TAOK2: variants seen among roughly 807,000 people sequenced by gnomAD.
The protein encoded by TAOK2 is TAO kinase 2.
Under a neutral mutation model 122.5 loss-of-function variants are expected in TAOK2, and 42 were observed. That is an observed-to-expected ratio of 0.34 (90% CI 0.27 to 0.44). The LOEUF (loss-of-function observed/expected upper bound fraction) is 0.44. TAOK2 is among the 20% of genes least tolerant of loss of function. The probability of loss-of-function intolerance (pLI) is 1.00; values close to 1 mark genes in which losing one functional copy is unlikely to be tolerated. For missense variants in TAOK2, 1,264 were observed against 1,644.9 expected, an observed-to-expected ratio of 0.77 and a Z score of 4.01; for synonymous variants, 704 against 677.6, an observed-to-expected ratio of 1.04 and a Z score of -0.61.
At chr16:29,983,776 A>C in intron 13 of TAOK2, 112 bp downstream of exon 13, 1 of 1,467,338 alleles carries the variant, frequency 6.8e-7, no homozygotes. Context: ...TTCTACCCTC[A>C]TTTTCTGTTG....
intron 13 of TAOK2, among the ~76,000 whole-genome samples, chr16:29,984,069 C>T (rs1219566760): frequency 1.3e-5 from 2 of 152,148 alleles, no homozygotes; most frequent in Non-Finnish European, 2.9e-5. Flanking sequence ...CCGGGGGTGC[C>T]CTGTGCTTGG....
In TAOK2 at chr16:29,988,102, C is replaced by G; in HGVS notation, c.*122C>G. On this transcript the variant is annotated 3_prime_UTR_variant, in exon 16 of 16. Transcript: ENST00000308893. ...CCACCTTCCTCAGTTTGCTCACTTACCCCAGGCCCAGCCCTTCGGACCTCT... is the reference window on the plus strand; with the variant it reads ...CCACCTTCCTCAGTTTGCTCACTTAGCCCAGGCCCAGCCCTTCGGACCTCT... The G allele has an allele frequency of 7.0e-7, 1 of 1,435,580 alleles. No individual in the cohort carries two copies. Among genetic ancestry groups the G allele is most frequent in the Non-Finnish European group, 9.1e-7 (1 of 1,099,818 alleles). 88.9% of individuals were successfully genotyped at this position (1,435,580 alleles called of 1,614,324 possible).
chr16:29,988,824 C>G, downstream of TAOK2: 1 of 985,324 alleles, frequency 1.0e-6, no homozygotes, highest in Non-Finnish European at 1.2e-6. Context: ...GGCAACCAGG[C>G]GGAGTATGAA....
At position 29,985,922 on chromosome 16, in the gene TAOK2, T is replaced by A; in HGVS notation, c.1992+61T>A. 6.5e-7 allele frequency: 1 copy of A among 1,549,616 alleles called. No individual in the cohort carries two copies. On this transcript the variant is annotated intron_variant, in intron 15 of 15. Coordinates refer to ENST00000308893, the MANE Select transcript of TAOK2 (RefSeq NM_016151.4). The surrounding 1 kb of genome is among the most constrained non-coding windows in gnomAD (Gnocchi z 6.9). ...TCGTGGATCCCAGGGACCCACCCTT[T>A]TCCATTTTCCTCATTCTTGTCTTCT...
At chr16:29,978,933 C>T in intron 5 of TAOK2, 41 bp from the exon 6 acceptor site, 1 of 1,613,576 alleles carries the variant, frequency 6.2e-7, no homozygotes, top group Non-Finnish European at 8.5e-7. Context: ...CCAGTCCCAC[C>T]CTTGCGCTCC....
chr16:29,976,623 A>C (rs2069463611), intron 1 of TAOK2, among the ~76,000 whole-genome samples: 1 of 152,216 alleles, frequency 6.6e-6, no homozygotes, highest in Non-Finnish European at 1.5e-5. Flanking sequence ...GGTATCCTGC[A>C]GGAACTTTCT....
rs376299348 is a variant in TAOK2 at position 29,985,366 on chromosome 16, C to A, written c.1576C>A (p.Arg526=). ...EREEHSARLQ[R]ELEAQRAGFG... Reference sequence around the variant, plus strand: ...GGAGGAGCACAGTGCACGGCTGCAGCGGGAGCTTGAGGCGCAGCGGGCTGG... The same window carrying A: ...GGAGGAGCACAGTGCACGGCTGCAGAGGGAGCTTGAGGCGCAGCGGGCTGG... The change falls in exon 14 of 16, where the codon CGG becomes AGG. Residue 526 remains arginine, a synonymous_variant. Transcript: ENST00000308893. This position sits in a 1 kb window ranked among gnomAD's most constrained non-coding sequence, Gnocchi z 6.9. The A allele has an allele frequency of 6.2e-7, 1 of 1,610,760 alleles. No homozygotes were observed. The highest frequency in any genetic ancestry group is 8.5e-7 in the Non-Finnish European group (1 of 1,178,224).
chr16:29,983,557 C>T lies in TAOK2; in HGVS notation c.1315C>T (p.Leu439Phe). 1 of 1,614,070 alleles carries T rather than the reference C, an allele frequency of 6.2e-7. No homozygotes were observed. Among genetic ancestry groups the T allele is most frequent in the East Asian group, 2.2e-5 (1 of 44,870 alleles). The change falls in exon 13 of 16, where the codon CTC becomes TTC. Residue 439 changes from leucine (L) to phenylalanine (F), a missense_variant. This residue lies in a region of TAOK2 where 122 missense variants were observed against 116.7 expected (regional missense o/e 1.04). Transcript: ENST00000308893. Reference protein sequence around the residue: ...PYQPEITPSPLQPPAAPAPTS... With the variant: ...PYQPEITPSPFQPPAAPAPTS... ...CCAGCCAGAGATAACCCCCAGCCCTCTCCAGCCGCCTGCAGCCCCAGCTCC... is the reference window on the plus strand; with the variant it reads ...CCAGCCAGAGATAACCCCCAGCCCTTTCCAGCCGCCTGCAGCCCCAGCTCC...
intron 12 of TAOK2, 34 bp downstream of exon 12, chr16:29,983,366 C>T (rs754915698): frequency 6.4e-6 from 10 of 1,573,670 alleles, no homozygotes; most frequent in African/African-American, 4.0e-5. Flanking sequence ...CCCGAGCCAC[C>T]TGCTCTAGAA....
intron 1 of TAOK2, among the ~76,000 whole-genome samples, chr16:29,975,760 T>G (rs892437888): frequency 6.6e-6 from 1 of 152,126 alleles, no homozygotes; most frequent in African/African-American, 2.4e-5. Context: ...GATTAAAGCT[T>G]TGTGGGGACC....
chr16:29,978,198 G>T (rs1422904484), intron 3 of TAOK2, 38 bp downstream of exon 3: 1 of 1,613,998 alleles, frequency 6.2e-7, no homozygotes, highest in Non-Finnish European at 8.5e-7. Context: ...GGGGACAGGG[G>T]ACTCCTGTCT....
In TAOK2 at chr16:29,987,163, GCCTCCTGCC is replaced by G. The variant is rs1344545447; in HGVS notation, c.2900_2908del (p.Pro967_Leu969del). 3 of 1,571,052 alleles carry G rather than the reference GCCTCCTGCC, an allele frequency of 1.9e-6. No homozygotes were observed. Among genetic ancestry groups the G allele is most frequent in the African/African-American group, 2.7e-5 (2 of 73,092 alleles). ...TCCTTTGCAGTGGGGTCCTCCTCTG[GCCTCCTGCC>G]CCTCCTGCTGCTGCTGCTGCTTCCA... On this transcript the variant is annotated inframe_deletion, in exon 16 of 16. Transcript: ENST00000308893.
Position 29,985,523 on chromosome 16 carries a change from C to T in TAOK2, c.1733C>T (p.Ala578Val), listed in dbSNP as rs1465339344. ...GGGCAGCAGAAGAAGGAGCTGGCTG[C>T]CCTGCTGGAGGCACAGAAGCGGACC... is the stretch of plus-strand genomic sequence containing the variant. The part of the protein sequence containing the change: ...ILGQQKKELA[A>V]LLEAQKRTYK... Residue 578 changes from alanine (A) to valine (V), a missense_variant, in exon 14 of 16, where the codon GCC (alanine) becomes GTC (valine). Ala to Val is a moderately conservative substitution (Grantham distance 64). Around this residue, in one of 4 missense-constraint regions of TAOK2, gnomAD observed 824 missense variants for 908.7 expected, o/e 0.91. Coordinates refer to ENST00000308893, the MANE Select transcript of TAOK2 (RefSeq NM_016151.4). The surrounding 1 kb of genome is among the most constrained non-coding windows in gnomAD (Gnocchi z 6.9). 1 of 1,609,462 alleles carries T rather than the reference C, an allele frequency of 6.2e-7. No individual in the cohort carries two copies. Among genetic ancestry groups the T allele is most frequent in the Non-Finnish European group, 8.5e-7 (1 of 1,177,462 alleles).
chr16:29,986,380 C>T lies in TAOK2; in HGVS notation c.2108C>T (p.Ala703Val), dbSNP rs55893926. The T allele has an allele frequency of 1.4e-4, 219 of 1,608,522 alleles. No homozygotes were observed. Among genetic ancestry groups the T allele is most frequent in the Non-Finnish European group, 1.8e-4 (215 of 1,177,342 alleles). ...CTCCAGGCCGTGCAGCGCACGCGGG[C>T]TGAGCTCACCCGCCTGCAGCACCAG... ...RQLQAVQRTR[A>V]ELTRLQHQTE... The change falls in exon 16 of 16, where the codon GCT becomes GTT. Residue 703 changes from alanine (A) to valine (V), a missense_variant. Physicochemically the swap from Ala to Val is moderately conservative, Grantham distance 64. Coordinates refer to ENST00000308893, the MANE Select transcript of TAOK2 (RefSeq NM_016151.4). This position sits in a 1 kb window ranked among gnomAD's most constrained non-coding sequence, Gnocchi z 4.2.
Position 29,977,750 on chromosome 16 carries a change from T to G in TAOK2, c.-23T>G, listed in dbSNP as rs762175394. On this transcript the variant is annotated 5_prime_UTR_variant, in exon 2 of 16. Coordinates refer to ENST00000308893, the MANE Select transcript of TAOK2 (RefSeq NM_016151.4). ...TTCCATTCCTCAGGCCAGGCCCCAC[T>G]CTCAGGGCCCCCAGGGGCCACCATG... 3.1e-6 allele frequency: 5 copies of G among 1,613,244 alleles called. No homozygotes were observed. The East Asian group carries it at 1.1e-4, about 36-fold the overall frequency.
chr16:29,981,912 A>G lies in TAOK2; in HGVS notation c.803A>G (p.Asp268Gly), dbSNP rs1167389928. The change falls in exon 10 of 16, where the codon GAC (aspartate) becomes GGC (glycine). Residue 268 changes from aspartate (D) to glycine (G), a missense_variant. Transcript: ENST00000308893. ...TCCTGTCTTCAGAAAATCCCTCAAG[A>G]CAGACCAACCTCAGAGGTTCTCCTG... Reference protein sequence around the residue: ...VDSCLQKIPQDRPTSEVLLKH... With the variant: ...VDSCLQKIPQGRPTSEVLLKH... 1 of 1,613,730 alleles carries G rather than the reference A, an allele frequency of 6.2e-7. No homozygotes were observed. Among genetic ancestry groups the G allele is most frequent in the Non-Finnish European group, 8.5e-7 (1 of 1,179,952 alleles).
At chr16:29,991,290 C>T (rs749788604), downstream of TAOK2, 3 of 1,611,964 alleles carry the variant, frequency 1.9e-6, no homozygotes, top group East Asian at 2.2e-5. This position sits in a 1 kb window ranked among gnomAD's most constrained non-coding sequence, Gnocchi z 5.6. Flanking sequence ...CCATGGCCCT[C>T]CTCCACCAGG....
At chr16:29,977,480 G>T (rs1293189957) in intron 1 of TAOK2, among the ~76,000 whole-genome samples, 3 of 152,304 alleles carry the variant, frequency 2.0e-5, no homozygotes, top group South Asian at 4.1e-4. Flanking sequence ...ACTGAAGGGG[G>T]TGGTGAGGAT....
In TAOK2 at chr16:29,985,608, G is replaced by A. The variant is rs996239975; in HGVS notation, c.1788+30G>A. The stretch of plus-strand genomic sequence containing the variant: ...GCTAGGGCTGCTTGGGGGCGGAGCC[G>A]ATGGCGAGCCAGGTGGGTCCTGACC... On this transcript the variant is annotated intron_variant, in intron 14 of 15. Coordinates refer to ENST00000308893, the MANE Select transcript of TAOK2 (RefSeq NM_016151.4). The surrounding 1 kb of genome is among the most constrained non-coding windows in gnomAD (Gnocchi z 6.9). 34 of 1,603,232 alleles carry A rather than the reference G, an allele frequency of 2.1e-5. No individual in the cohort carries two copies. The highest frequency in any genetic ancestry group is 1.7e-4 in the Middle Eastern group (1 of 6,040).
Sources: gnomAD v4.1 joint callset for allele counts (sites outside exome capture counted in the v4.1 genomes callset) on GRCh38, gnomAD v4.1.1 for gene constraint, gnomAD v4.1.1 regional missense constraint, Gnocchi (gnomAD v3.1) non-coding constraint, MANE v1.5 for transcripts, NCBI Gene and HGNC (gene_info 2026-07-23, HGNC 2026-07-21) for gene names.